The following LAMA1 variants were observed in gnomAD, a reference collection of about 807,000 sequenced individuals.
The protein encoded by LAMA1 is laminin subunit alpha-1.
In LAMA1, 219 loss-of-function variants were observed where a neutral mutation model predicts 348.7. The ratio of observed to expected loss-of-function variants is 0.63; its 90% CI spans 0.56 to 0.70. The LOEUF is 0.70. LAMA1 is among the 30% of genes least tolerant of loss of function. The pLI is 0.00. For synonymous variants in LAMA1, 1,487 were observed against 1,491.0 expected, an observed-to-expected ratio of 1.00 and a Z score of 0.06; for missense variants, 3,744 against 3,888.0, an observed-to-expected ratio of 0.96 and a Z score of 0.99.
intron 1 of LAMA1, among the ~76,000 whole-genome samples, chr18:7,095,122 TTCTCTCTCTC>T (rs71165720): frequency 0.39 from 49,359 of 126,354 alleles, 9,761 homozygotes; most frequent in South Asian, 0.43. Flanking sequence ...CTCAGGACCT[TTCTCTCTCTC>T]TCTCTCTCTC....
At chr18:6,943,470 G>T in intron 61 of LAMA1, 68 bp from the exon 62 acceptor site, 1 of 1,283,864 alleles carries the variant, frequency 7.8e-7, no homozygotes, top group South Asian at 1.2e-5. Flanking sequence ...TAAGCTCTTG[G>T]AGTAGATAAA....
At chr18:7,066,667 C>A (rs1201666343) in intron 3 of LAMA1, among the ~76,000 whole-genome samples, 1 of 152,114 alleles carries the variant, frequency 6.6e-6, no homozygotes, top group Non-Finnish European at 1.5e-5. Context: ...AATGTGACAA[C>A]TCATTATAAA....
chr18:6,992,418 G>T lies in LAMA1; in HGVS notation c.5168+143C>A. Reference sequence around the variant, plus strand: ...TCAGTACCCATCTCTTCATTTACTTGACCACAGGGCCCCTTCTCCTCTCTT... The same window carrying T: ...TCAGTACCCATCTCTTCATTTACTTTACCACAGGGCCCCTTCTCCTCTCTT... On this transcript the variant is annotated intron_variant, in intron 36 of 62. Coordinates refer to ENST00000389658, the MANE Select transcript of LAMA1 (RefSeq NM_005559.4). 7 of 873,984 alleles carry T rather than the reference G, an allele frequency of 8.0e-6. No homozygotes were observed. The South Asian group carries it at 9.8e-5, about 12-fold the overall frequency. 54.1% of individuals were successfully genotyped at this position (873,984 alleles called of 1,614,324 possible).
chr18:6,991,900 T>C (rs1006322416), intron 36 of LAMA1, among the ~76,000 whole-genome samples: 1 of 152,260 alleles, frequency 6.6e-6, no homozygotes. Context: ...GATTATAGTT[T>C]AGATAGTAAC....
At chr18:7,015,945 G>A in intron 21 of LAMA1, 87 bp from the exon 22 acceptor site, 4 of 1,516,318 alleles carry the variant, frequency 2.6e-6, no homozygotes. Context: ...CTTTTATTAA[G>A]AGTCCAAGCC....
intron 19 of LAMA1, 36 bp downstream of exon 19, chr18:7,023,128 T>C: frequency 6.3e-7 from 1 of 1,593,538 alleles, no homozygotes; most frequent in East Asian, 2.3e-5. Context: ...CCTATGGCAA[T>C]AAACAGCTGA....
chr18:7,065,681 C>T (rs200161723), intron 3 of LAMA1, among the ~76,000 whole-genome samples: 1 of 151,882 alleles, frequency 6.6e-6, no homozygotes, highest in Admixed American at 6.5e-5. Context: ...GAGCTGAGAT[C>T]GCACCGTTGC....
Position 7,007,169 on chromosome 18 carries a change from G to A in LAMA1, c.4230C>T (p.Asp1410=). Residue 1410 remains aspartate, a synonymous_variant, in exon 29 of 63, where the codon GAC becomes GAT. Coordinates refer to ENST00000389658, the MANE Select transcript of LAMA1 (RefSeq NM_005559.4). Reference sequence around the variant, plus strand: ...ACTTCCCGGTGTTGGGGTCACAGGTGTCACTGTGGTTGTTGCAACTGCAGG... The same window carrying A: ...ACTTCCCGGTGTTGGGGTCACAGGTATCACTGTGGTTGTTGCAACTGCAGG... ...CVPCSCNNHS[D]TCDPNTGKCL... 1 of 1,614,180 alleles carries A rather than the reference G, an allele frequency of 6.2e-7. No homozygotes were observed. The highest frequency in any genetic ancestry group is 8.5e-7 in the Non-Finnish European group (1 of 1,180,040).
At chr18:6,987,187 C>T (rs1237682674) in intron 36 of LAMA1, among the ~76,000 whole-genome samples, 1 of 152,176 alleles carries the variant, frequency 6.6e-6, no homozygotes, top group African/African-American at 2.4e-5. Flanking sequence ...AACACTTAAA[C>T]TTTCTAATAC....
chr18:6,961,566 G>A lies in LAMA1; in HGVS notation c.7626+20C>T. On this transcript the variant is annotated intron_variant, in intron 53 of 62. Coordinates refer to ENST00000389658, the MANE Select transcript of LAMA1 (RefSeq NM_005559.4). ...AGTAATTTCCTGAGCTTGGGGCTCAGGAGCACTGGCCCTACTCACCACGTG... is the reference window on the plus strand; with the variant it reads ...AGTAATTTCCTGAGCTTGGGGCTCAAGAGCACTGGCCCTACTCACCACGTG... 6.2e-7 allele frequency: 1 copy of A among 1,612,638 alleles called. No homozygotes were observed. The highest frequency in any genetic ancestry group is 1.3e-5 in the African/African-American group (1 of 74,992).
chr18:7,008,703 C>T (rs112319375), intron 27 of LAMA1, 95 bp from the exon 28 acceptor site: 2 of 1,445,782 alleles, frequency 1.4e-6, no homozygotes, highest in Admixed American at 1.7e-5. Flanking sequence ...TATATGAAAC[C>T]AGAGCTTTCT....
intron 3 of LAMA1, among the ~76,000 whole-genome samples, chr18:7,055,036 A>G (rs1027700982): frequency 1.1e-4 from 16 of 152,072 alleles, no homozygotes; most frequent in South Asian, 4.1e-4. Context: ...CTTTTACGGA[A>G]GTCAAATGTT....
intron 19 of LAMA1, among the ~76,000 whole-genome samples, chr18:7,022,895 G>C (rs561786857): frequency 6.6e-6 from 1 of 152,150 alleles, no homozygotes; most frequent in Non-Finnish European, 1.5e-5. Flanking sequence ...CCGGAACTCT[G>C]TCAAGTCACA....
chr18:7,081,753 T>G (rs771052706), intron 1 of LAMA1, among the ~76,000 whole-genome samples: 1 of 152,224 alleles, frequency 6.6e-6, no homozygotes, highest in African/African-American at 2.4e-5. Flanking sequence ...TCTCCAGGCA[T>G]GGACACTGAG....
intron 8 of LAMA1, chr18:7,042,635 AGCACTCTGGGAGGC>A: frequency 3.7e-6 from 1 of 269,344 alleles, no homozygotes. Context: ...CTGTAATCCC[AGCACTCTGGGAGGC>A]CAAGGCAGGC....
intron 48 of LAMA1, among the ~76,000 whole-genome samples, chr18:6,968,573 G>A (rs1326443528): frequency 2.0e-5 from 3 of 152,308 alleles, no homozygotes; most frequent in East Asian, 3.9e-4. Context: ...GGCCAGCCAC[G>A]TAGCCAGCAC....
At chr18:7,056,382 C>G (rs1006638722) in intron 3 of LAMA1, among the ~76,000 whole-genome samples, 2 of 152,202 alleles carry the variant, frequency 1.3e-5, no homozygotes, top group Non-Finnish European at 2.9e-5. Context: ...CAGTTTCACA[C>G]TTGAATATGG....
At chr18:7,037,030 T>C (rs561156982) in intron 12 of LAMA1, among the ~76,000 whole-genome samples, 2 of 152,324 alleles carry the variant, frequency 1.3e-5, no homozygotes, top group Admixed American at 6.5e-5. Flanking sequence ...AACCTCCACA[T>C]TGCAGAATCA....
At chr18:7,063,360 T>C (rs2058110096) in intron 3 of LAMA1, among the ~76,000 whole-genome samples, 1 of 152,216 alleles carries the variant, frequency 6.6e-6, no homozygotes, top group Non-Finnish European at 1.5e-5. Flanking sequence ...GGATACATAA[T>C]ATATAGGAAG....
Sources: allele counts gnomAD v4.1 joint callset (sites outside exome capture counted in the v4.1 genomes callset), GRCh38; gene constraint gnomAD v4.1.1; transcripts MANE v1.5; gene names NCBI Gene and HGNC (gene_info 2026-07-23, HGNC 2026-07-21).